The following PTTG1IP2 variants were observed in gnomAD, a reference collection of about 807,000 sequenced individuals.
PTTG1IP2 encodes PTTG1IP family member 2.
intron 4 of PTTG1IP2, among the ~76,000 whole-genome samples, chr7:90,491,703 A>C (rs1797940451): frequency 6.6e-6 from 1 of 152,146 alleles, no homozygotes; most frequent in South Asian, 2.1e-4. Flanking sequence ...CAAGTAAACA[A>C]GCAATTGTTA....
chr7:90,511,772 C>T (rs1798192939), intron 6 of PTTG1IP2, among the ~76,000 whole-genome samples: 1 of 152,102 alleles, frequency 6.6e-6, no homozygotes, highest in Admixed American at 6.5e-5. Flanking sequence ...CTATCACTTA[C>T]TGTTTGTGAT....
chr7:90,474,915 C>T (rs1247193741), intron 1 of PTTG1IP2, among the ~76,000 whole-genome samples: 2 of 152,186 alleles, frequency 1.3e-5, no homozygotes, highest in Non-Finnish European at 2.9e-5. Context: ...CAAGGACTAA[C>T]AAGATTCCAA....
chr7:90,496,597 AT>A (rs796121484), intron 6 of PTTG1IP2, among the ~76,000 whole-genome samples: 5 of 151,924 alleles, frequency 3.3e-5, no homozygotes, highest in African/African-American at 7.2e-5. Context: ...AGTTTTGTTA[AT>A]TTTTTATTTT....
At chr7:90,502,389 A>G (rs1389532730) in intron 6 of PTTG1IP2, among the ~76,000 whole-genome samples, 2 of 152,224 alleles carry the variant, frequency 1.3e-5, no homozygotes, top group Non-Finnish European at 2.9e-5. Context: ...GTTAATGTTG[A>G]TATTTTGACA....
intron 1 of PTTG1IP2, among the ~76,000 whole-genome samples, chr7:90,472,406 C>A (rs80046901): frequency 0.02 from 3,025 of 151,484 alleles, 47 homozygotes; most frequent in Non-Finnish European, 0.032. Flanking sequence ...AACAATCAAA[C>A]GAGAAATATT....
At chr7:90,487,479 G>A (rs948867295) in intron 3 of PTTG1IP2, 59 bp downstream of exon 3, 1 of 152,498 alleles carries the variant, frequency 6.6e-6, no homozygotes, top group African/African-American at 2.4e-5. Flanking sequence ...GCAAATGCTA[G>A]TGATTTGCTA....
intron 6 of PTTG1IP2, among the ~76,000 whole-genome samples, chr7:90,509,185 T>C (rs937595395): frequency 1.3e-5 from 2 of 151,084 alleles, no homozygotes; most frequent in African/African-American, 4.9e-5. Flanking sequence ...GATGGTGTTA[T>C]TGGGGGGATG....
At chr7:90,485,756 C>A (rs1471482524) in intron 2 of PTTG1IP2, among the ~76,000 whole-genome samples, 1 of 152,154 alleles carries the variant, frequency 6.6e-6, no homozygotes, top group African/African-American at 2.4e-5. Context: ...GACTTGGTTA[C>A]TGGAACCTGG....
chr7:90,505,002 T>A (rs893865723), intron 6 of PTTG1IP2, among the ~76,000 whole-genome samples: 1 of 152,168 alleles, frequency 6.6e-6, no homozygotes, highest in Non-Finnish European at 1.5e-5. Context: ...TCATAAGACT[T>A]AGCTAATCTC....
chr7:90,497,219 G>T (rs1052411520), intron 6 of PTTG1IP2, among the ~76,000 whole-genome samples: 6 of 151,980 alleles, frequency 3.9e-5, no homozygotes, highest in South Asian at 2.1e-4. Flanking sequence ...ATTGCTTAAG[G>T]CCAGGAGTTT....
chr7:90,487,208 A>AAAT (rs1158812869), intron 2 of PTTG1IP2, 119 bp from the exon 3 acceptor site: 2 of 152,548 alleles, frequency 1.3e-5, no homozygotes, highest in Non-Finnish European at 2.9e-5. Flanking sequence ...CATCTACTAC[A>AAAT]AATAATAATA....
chr7:90,481,386 A>G (rs2116060378), intron 2 of PTTG1IP2, among the ~76,000 whole-genome samples: 1 of 152,264 alleles, frequency 6.6e-6, no homozygotes, highest in South Asian at 2.1e-4. Context: ...CTGCTTGAGC[A>G]TATTTCATCA....
chr7:90,499,981 A>AG lies in PTTG1IP2; in HGVS notation c.*50+5557dup, dbSNP rs554070054. Among the ~76,000 whole-genome samples the AG allele has an allele frequency of 8.7e-4, 132 of 152,192 alleles. 1 individual carries two copies. The highest frequency in any genetic ancestry group is 3.0e-3 in the African/African-American group (125 of 41,542). On this transcript the variant is annotated intron_variant, in intron 6 of 6. Transcript: ENST00000509356. ...ATAATCCCAGCACTTTGGAAGGCCA[A>AG]GGGGGGCAGATCACTTGAGATCAGG... is the stretch of plus-strand genomic sequence containing the variant.
At chr7:90,483,093 A>G (rs1312257361) in intron 2 of PTTG1IP2, among the ~76,000 whole-genome samples, 1 of 152,110 alleles carries the variant, frequency 6.6e-6, no homozygotes, top group Non-Finnish European at 1.5e-5. Context: ...GGACAAGGTG[A>G]TGGATCCGAA....
At chr7:90,474,686 G>T (rs1797727256) in intron 1 of PTTG1IP2, among the ~76,000 whole-genome samples, 1 of 152,136 alleles carries the variant, frequency 6.6e-6, no homozygotes, top group Non-Finnish European at 1.5e-5. Flanking sequence ...GGCAGGAAAA[G>T]ATATACTACC....
In PTTG1IP2 at chr7:90,498,965, C is replaced by T. The variant is rs561655378; in HGVS notation, c.*50+4535C>T. On this transcript the variant is annotated intron_variant, in intron 6 of 6. Coordinates refer to ENST00000509356, the MANE Select transcript of PTTG1IP2 (RefSeq NM_001365443.2). ...CTCCTGGGCTCAATTGATCCTCTGG[C>T]CTAAGCCTCTCAAGTATCCAAGCCT... Among the ~76,000 whole-genome samples the T allele has an allele frequency of 3.9e-5, 6 of 152,238 alleles. No homozygotes were observed. In the East Asian group the frequency reaches 1.2e-3, roughly 29 times the overall value.
chr7:90,492,316 GT>G lies in PTTG1IP2; in HGVS notation c.451+11del, dbSNP rs1308277489. ...CACGACCGCAGTGCTACTGGCAAGT[GT>G]TTTCGTTTATTTGATGGAATGTCCC... On this transcript the variant is annotated splice_region_variant and intron_variant, in intron 5 of 6. Transcript: ENST00000509356. 8 of 152,086 alleles carry G rather than the reference GT, an allele frequency of 5.3e-5. No individual in the cohort carries two copies. Among genetic ancestry groups the G allele is most frequent in the African/African-American group, 1.4e-4 (6 of 41,394 alleles). The allele number at this position is 152,086 out of a possible 1,614,324, so 9.4% of individuals were successfully genotyped here.
intron 1 of PTTG1IP2, among the ~76,000 whole-genome samples, chr7:90,478,110 A>G (rs1200008275): frequency 1.3e-5 from 2 of 151,612 alleles, no homozygotes; most frequent in Admixed American, 6.6e-5. Flanking sequence ...AAAAAAAAAA[A>G]AAAAAAGAAA....
chr7:90,504,320 G>GA (rs11344275), intron 6 of PTTG1IP2, among the ~76,000 whole-genome samples: 5,250 of 143,606 alleles, frequency 0.037, 103 homozygotes, highest in South Asian at 0.067. Flanking sequence ...CATGTCAAGA[G>GA]AAAAAAAAAA....
Sources: gnomAD v4.1 joint callset for allele counts (sites outside exome capture counted in the v4.1 genomes callset) on GRCh38, gnomAD v4.1.1 for gene constraint, MANE v1.5 for transcripts, NCBI Gene and HGNC (gene_info 2026-07-23, HGNC 2026-07-21) for gene names.